Variants in ABHD13 observed in about 807,000 individuals in gnomAD.
ABHD13 encodes protein ABHD13.
ABHD13 carries 7 observed loss-of-function variants against 25.2 expected under a neutral mutation model. The observed-to-expected ratio is 0.28, with a 90% CI of 0.16 to 0.52. The LOEUF is 0.52. Among genes scored for constraint, ABHD13 ranks in the 20% least tolerant of loss-of-function variants. ABHD13 has a pLI of 0.96. For missense variants in ABHD13, 302 were observed against 402.7 expected (o/e 0.75, Z 2.14); for synonymous variants, 133 against 136.1 (o/e 0.98, Z 0.16).
At chr13:108,218,874 C>T (rs919674971) in intron 1 of ABHD13, among the ~76,000 whole-genome samples, 2 of 151,966 alleles carry the variant, frequency 1.3e-5, no homozygotes, top group African/African-American at 4.8e-5. Flanking sequence ...TGCAGCCCTG[C>T]CGGCCGCCCC....
chr13:108,222,499 A>G (rs1175356029), intron 1 of ABHD13, among the ~76,000 whole-genome samples: 1 of 152,144 alleles, frequency 6.6e-6, no homozygotes, highest in African/African-American at 2.4e-5. Context: ...AAGGCAATAC[A>G]GTTATATGGT....
rs1879802708 is a variant in ABHD13 at position 108,231,456 on chromosome 13, T to A, written c.*1224T>A. On this transcript the variant is annotated 3_prime_UTR_variant, in exon 2 of 2. Coordinates refer to ENST00000375898, the MANE Select transcript of ABHD13 (RefSeq NM_032859.3). The stretch of plus-strand genomic sequence containing the variant: ...TTTGACACAAAACCTATTACCACAT[T>A]TAGCAGTTAAATGGCTATAGGTGGG... 1 of 166,768 alleles carries A rather than the reference T, an allele frequency of 6.0e-6. No individual in the cohort carries two copies. The highest frequency in any genetic ancestry group is 2.4e-5 in the African/African-American group (1 of 41,400). The allele number at this position is 166,768 out of a possible 1,614,324, so 10.3% of individuals were successfully genotyped here. A position where few individuals can be genotyped will look rare whatever the true frequency, so the allele number is the denominator to read the frequency against.
rs374937670 is a variant in ABHD13 at position 108,230,175 on chromosome 13, A to G, written c.957A>G (p.Val319=). ...TTGAACAGTTCATCAAAGAAGTCGT[A>G]AAGAGCCATTCTCCTGAAGAAATGG... ...TALEQFIKEV[V]KSHSPEEMAK... is the part of the protein sequence containing the mutation. Residue 319 remains valine (V), a synonymous_variant, in exon 2 of 2, where the codon GTA becomes GTG. Coordinates refer to ENST00000375898, the MANE Select transcript of ABHD13 (RefSeq NM_032859.3). 1.3e-5 allele frequency: 21 copies of G among 1,611,100 alleles called. No individual in the cohort carries two copies. Among genetic ancestry groups the G allele is most frequent in the Admixed American group, 6.7e-5 (4 of 59,632 alleles).
chr13:108,223,556 C>T lies in ABHD13; in HGVS notation c.-21+4897C>T, dbSNP rs868549476. Among the ~76,000 whole-genome samples, 4 of 152,110 alleles carry T rather than the reference C, an allele frequency of 2.6e-5. No homozygotes were observed. The South Asian group carries it at 6.2e-4, about 24-fold the overall frequency. On this transcript the variant is annotated intron_variant, in intron 1 of 1. Transcript: ENST00000375898. ...AAAACTGGATTATTCCCTCATTTAC[C>T]GTGAGCTCATGGTGATAAAGAATAC...
At chr13:108,220,533 C>G (rs1349557287) in intron 1 of ABHD13, among the ~76,000 whole-genome samples, 1 of 152,158 alleles carries the variant, frequency 6.6e-6, no homozygotes, top group Non-Finnish European at 1.5e-5. Context: ...CTTTAAATAG[C>G]CTTTTTTCGT....
chr13:108,232,984 A>G lies in ABHD13; in HGVS notation c.*2752A>G, dbSNP rs1879840449. 6.0e-6 allele frequency: 1 copy of G among 166,944 alleles called. No homozygotes were observed. Among genetic ancestry groups the G allele is most frequent in the South Asian group, 2.1e-4 (1 of 4,832 alleles). 10.3% of individuals were successfully genotyped at this position (166,944 alleles called of 1,614,324 possible). A position where few individuals can be genotyped will look rare whatever the true frequency, so the allele number is the denominator to read the frequency against. ...TGAGATTGGTGAAAGGAAATCATGC[A>G]AAACATTTGAATGCAAAGCATTTCT... is the stretch of plus-strand genomic sequence containing the variant. On this transcript the variant is annotated 3_prime_UTR_variant, in exon 2 of 2. Coordinates refer to ENST00000375898, the MANE Select transcript of ABHD13 (RefSeq NM_032859.3).
chr13:108,221,842 C>CTTT (rs36025260), intron 1 of ABHD13, among the ~76,000 whole-genome samples: 1 of 144,948 alleles, frequency 6.9e-6, no homozygotes, highest in Non-Finnish European at 1.5e-5. Flanking sequence ...ACAATGTACA[C>CTTT]TTTTTTTTTT....
intron 1 of ABHD13, among the ~76,000 whole-genome samples, chr13:108,228,764 G>C (rs571294267): frequency 1.3e-5 from 2 of 151,788 alleles, no homozygotes; most frequent in Admixed American, 1.3e-4. Context: ...CCTAACAGCA[G>C]ATGTACCACA....
Position 108,231,397 on chromosome 13 carries a change from G to A in ABHD13, c.*1165G>A, listed in dbSNP as rs1290541458. The A allele has an allele frequency of 1.2e-5, 2 of 166,652 alleles. No individual in the cohort carries two copies. Among genetic ancestry groups the A allele is most frequent in the Non-Finnish European group, 2.9e-5 (2 of 67,950 alleles). The allele number at this position is 166,652 out of a possible 1,614,324, so 10.3% of individuals were successfully genotyped here. On this transcript the variant is annotated 3_prime_UTR_variant, in exon 2 of 2. Transcript: ENST00000375898. Reference sequence around the variant, plus strand: ...TTTATTGATTTTAAAAGTTTTACATGTAGGAGTGTGGGAATGAAGGAATTC... The same window carrying A: ...TTTATTGATTTTAAAAGTTTTACATATAGGAGTGTGGGAATGAAGGAATTC...
In ABHD13 at chr13:108,230,838, G is replaced by A. The variant is rs1469895147; in HGVS notation, c.*606G>A. On this transcript the variant is annotated 3_prime_UTR_variant, in exon 2 of 2. Transcript: ENST00000375898. ...TGAAATTGAGACTTATGTGCAGGTT[G>A]CCATTGAATTTTGCTCTGGTGAATG... 6.0e-6 allele frequency: 1 copy of A among 166,784 alleles called. No individual in the cohort carries two copies. The highest frequency in any genetic ancestry group is 1.5e-5 in the Non-Finnish European group (1 of 67,924). The allele number at this position is 166,784 out of a possible 1,614,324, so 10.3% of individuals were successfully genotyped here.
chr13:108,228,478 T>G (rs1005145334), intron 1 of ABHD13, among the ~76,000 whole-genome samples: 1 of 152,058 alleles, frequency 6.6e-6, no homozygotes, highest in Non-Finnish European at 1.5e-5. Context: ...AAATCATTAA[T>G]AATTTTCTTA....
At position 108,220,280 on chromosome 13, in the gene ABHD13, CTCT is replaced by C. The variant is rs370508345; in HGVS notation, c.-21+1626_-21+1628del. Reference sequence around the variant, plus strand: ...TACAGGTAGCCCTTGGCACACTGCCCTCTTCTTGGGCACATCAAAGACCTCTTG... The same window carrying C: ...TACAGGTAGCCCTTGGCACACTGCCCTCTTGGGCACATCAAAGACCTCTTG... On this transcript the variant is annotated intron_variant, in intron 1 of 1. Transcript: ENST00000375898. Among the ~76,000 whole-genome samples the C allele has an allele frequency of 4.9e-4, 75 of 152,326 alleles. 2 individuals are homozygous for C. The East Asian group carries it at 0.014, about 29-fold the overall frequency.
Position 108,230,452 on chromosome 13 carries a change from A to G in ABHD13, c.*220A>G. 1 of 470,610 alleles carries G rather than the reference A, an allele frequency of 2.1e-6. No homozygotes were observed. 29.2% of individuals were successfully genotyped at this position (470,610 alleles called of 1,614,324 possible). ...TTTCATCAAAACTTTCAGTGTGATTATGTATTCATATCTTCAGTTTAATAT... is the reference window on the plus strand; with the variant it reads ...TTTCATCAAAACTTTCAGTGTGATTGTGTATTCATATCTTCAGTTTAATAT... On this transcript the variant is annotated 3_prime_UTR_variant, in exon 2 of 2. Transcript: ENST00000375898.
At chr13:108,228,449 T>G (rs1351727501) in intron 1 of ABHD13, among the ~76,000 whole-genome samples, 1 of 152,036 alleles carries the variant, frequency 6.6e-6, no homozygotes, top group East Asian at 1.9e-4. Flanking sequence ...ATATTTATTT[T>G]TAATTACATA....
rs570300506 is a variant in ABHD13, at chr13:108,230,851, G to T, written c.*619G>T. ...TATGTGCAGGTTGCCATTGAATTTT[G>T]CTCTGGTGAATGCTGAGATCCAGCT... On this transcript the variant is annotated 3_prime_UTR_variant, in exon 2 of 2. Coordinates refer to ENST00000375898, the MANE Select transcript of ABHD13 (RefSeq NM_032859.3). 1 of 166,900 alleles carries T rather than the reference G, an allele frequency of 6.0e-6. No homozygotes were observed. The highest frequency in any genetic ancestry group is 6.6e-5 in the Admixed American group (1 of 15,254). The allele number at this position is 166,900 out of a possible 1,614,324, so 10.3% of individuals were successfully genotyped here.
Position 108,229,957 on chromosome 13 carries a change from T to C in ABHD13, c.739T>C (p.Phe247Leu). 6.2e-7 allele frequency: 1 copy of C among 1,613,226 alleles called. No homozygotes were observed. Among genetic ancestry groups the C allele is most frequent in the Non-Finnish European group, 8.5e-7 (1 of 1,179,444 alleles). Residue 247 changes from phenylalanine to leucine, a missense_variant, in exon 2 of 2, where the codon TTT becomes CTT. By Grantham distance (22) the Phe-to-Leu change is conservative (BLOSUM62 0). Coordinates refer to ENST00000375898, the MANE Select transcript of ABHD13 (RefSeq NM_032859.3). This position sits in a 1 kb window ranked among gnomAD's most constrained non-coding sequence, Gnocchi z 4.7. ...TCCTTTATGGTGCTACAAAAATAAA[T>C]TTTTGTCCTACAGAAAAATCTCTCA... is the stretch of plus-strand genomic sequence containing the variant. ...YLPLWCYKNKFLSYRKISQCR... is the reference protein window; with the variant it reads ...YLPLWCYKNKLLSYRKISQCR...
Position 108,230,419 on chromosome 13 carries a change from T to G in ABHD13, c.*187T>G. ...GGAAAAACTAATTCTTGGGATTCTTTCATACATTTTCATCAAAACTTTCAG... is the reference window on the plus strand; with the variant it reads ...GGAAAAACTAATTCTTGGGATTCTTGCATACATTTTCATCAAAACTTTCAG... On this transcript the variant is annotated 3_prime_UTR_variant, in exon 2 of 2. Transcript: ENST00000375898. 1.9e-6 allele frequency: 1 copy of G among 539,200 alleles called. No individual in the cohort carries two copies. Among genetic ancestry groups the G allele is most frequent in the Non-Finnish European group, 3.3e-6 (1 of 302,076 alleles). The allele number at this position is 539,200 out of a possible 1,614,324, so 33.4% of individuals were successfully genotyped here. A position where few individuals can be genotyped will look rare whatever the true frequency, so the allele number is the denominator to read the frequency against.
chr13:108,218,948 G>A lies in ABHD13; in HGVS notation c.-21+289G>A, dbSNP rs138395286. On this transcript the variant is annotated intron_variant, in intron 1 of 1. Coordinates refer to ENST00000375898, the MANE Select transcript of ABHD13 (RefSeq NM_032859.3). ...CCAAATACCTGTTTTGGAAACTAAG[G>A]TGCGCGCATTGCCAGAGGCTCGCCG... Among the ~76,000 whole-genome samples, 1,196 of 152,226 alleles carry A rather than the reference G, an allele frequency of 7.9e-3. 19 individuals are homozygous for A. The highest frequency in any genetic ancestry group is 0.065 in the South Asian group (312 of 4,820).
At chr13:108,220,685 C>T (rs1449824098) in intron 1 of ABHD13, among the ~76,000 whole-genome samples, 1 of 152,178 alleles carries the variant, frequency 6.6e-6, no homozygotes, top group African/African-American at 2.4e-5. Flanking sequence ...AAATCCCTTG[C>T]AAAGATGTAG....
Sources: gnomAD v4.1 joint callset for allele counts (sites outside exome capture counted in the v4.1 genomes callset) on GRCh38, gnomAD v4.1.1 for gene constraint, Gnocchi (gnomAD v3.1) non-coding constraint, MANE v1.5 for transcripts, NCBI Gene and HGNC (gene_info 2026-07-23, HGNC 2026-07-21) for gene names.